Variants in UBAP2 observed in about 807,000 individuals in gnomAD.
UBAP2 encodes ubiquitin-associated protein 2.
Under a neutral mutation model 139.6 loss-of-function variants are expected in UBAP2, and 75 were observed. The ratio of observed to expected loss-of-function variants is 0.54; its 90% confidence interval spans 0.45 to 0.65. The LOEUF is 0.65. Among genes scored for constraint, UBAP2 ranks in the 30% least tolerant of loss-of-function variants. UBAP2 has a pLI of 0.00. For missense variants in UBAP2, 1,368 were observed against 1,369.6 expected (o/e 1.00, Z 0.02); for synonymous variants, 526 against 526.2 (o/e 1.00, Z 0.01).
chr9:33,929,961 GC>G (rs1218879822), intron 19 of UBAP2, among the ~76,000 whole-genome samples: 22 of 152,158 alleles, frequency 1.4e-4, no homozygotes, highest in Admixed American at 1.3e-4. Flanking sequence ...CTGAGATCAT[GC>G]CATTGCACTC....
chr9:33,963,906 A>G, intron 8 of UBAP2, 115 bp from the exon 9 acceptor site: 1 of 725,524 alleles, frequency 1.4e-6, no homozygotes, highest in East Asian at 2.6e-5. Context: ...GCCCAAGGAT[A>G]GTGAAATGTA....
chr9:33,937,367 G>T (rs1483920153), intron 16 of UBAP2, among the ~76,000 whole-genome samples: 3 of 152,038 alleles, frequency 2.0e-5, no homozygotes, highest in Admixed American at 2.0e-4. Context: ...AGCACTATGG[G>T]AGGCCAAGGA....
intron 3 of UBAP2, 147 bp downstream of exon 3, chr9:33,998,640 C>T: frequency 1.6e-6 from 1 of 615,432 alleles, no homozygotes; most frequent in Non-Finnish European, 2.7e-6. Context: ...TATTTTTAAT[C>T]ACAAGTCCAA....
intron 2 of UBAP2, among the ~76,000 whole-genome samples, chr9:34,012,336 G>C (rs1823824202): frequency 6.6e-6 from 1 of 152,122 alleles, no homozygotes; most frequent in African/African-American, 2.4e-5. Context: ...TTCGAGAGCA[G>C]CCTGGCCAAC....
chr9:34,004,122 G>A (rs1047885887), intron 2 of UBAP2, among the ~76,000 whole-genome samples: 4 of 152,070 alleles, frequency 2.6e-5, no homozygotes, highest in Admixed American at 2.6e-4. Context: ...CCACAAAAAT[G>A]CTCTGCACAA....
At chr9:33,954,629 C>A (rs1216048941) in intron 11 of UBAP2, among the ~76,000 whole-genome samples, 1 of 152,182 alleles carries the variant, frequency 6.6e-6, no homozygotes, top group Non-Finnish European at 1.5e-5. Flanking sequence ...TCATTCCTGA[C>A]ACATGGCAAA....
intron 20 of UBAP2, 34 bp from the exon 21 acceptor site, chr9:33,927,114 G>A: frequency 6.5e-7 from 1 of 1,535,856 alleles, no homozygotes. Flanking sequence ...GGAGTGAAAT[G>A]GTCACCACAA....
At chr9:33,980,575 C>T (rs899432981) in intron 6 of UBAP2, among the ~76,000 whole-genome samples, 2 of 152,034 alleles carry the variant, frequency 1.3e-5, no homozygotes, top group Non-Finnish European at 2.9e-5. Context: ...CACTCAACTA[C>T]AGCAAAGTAC....
At chr9:34,033,739 CT>C (rs761219914) in intron 1 of UBAP2, among the ~76,000 whole-genome samples, 623 of 139,604 alleles carry the variant, frequency 4.5e-3, no homozygotes, top group Admixed American at 4.4e-3. Flanking sequence ...CAAATCAATT[CT>C]TTTTTTTTTT....
rs559041061 is a variant in UBAP2 at position 34,041,053 on chromosome 9, C to G, written c.-42+7772G>C. Reference sequence around the variant, plus strand: ...AGGGTGGCAAATGTCCACATGAGGACAAGTAAAATTGGTAATCTCAAAAAA... The same window carrying G: ...AGGGTGGCAAATGTCCACATGAGGAGAAGTAAAATTGGTAATCTCAAAAAA... On this transcript the variant is annotated intron_variant, in intron 1 of 28. Transcript: ENST00000379238. Among the ~76,000 whole-genome samples, 85 of 152,078 alleles carry G rather than the reference C, an allele frequency of 5.6e-4. 1 individual carries two copies. Among genetic ancestry groups the G allele is most frequent in the African/African-American group, 2.0e-3 (82 of 41,484 alleles).
chr9:34,025,180 T>C (rs1825303268), intron 1 of UBAP2, among the ~76,000 whole-genome samples: 1 of 152,150 alleles, frequency 6.6e-6, no homozygotes, highest in African/African-American at 2.4e-5. Flanking sequence ...ATGTCCTCCT[T>C]TTCTGGGAAA....
chr9:33,988,180 T>C (rs1341054687), intron 5 of UBAP2, among the ~76,000 whole-genome samples: 1 of 152,108 alleles, frequency 6.6e-6, no homozygotes, highest in Non-Finnish European at 1.5e-5. Flanking sequence ...ATTTTCTTTA[T>C]TGTTACATCC....
intron 19 of UBAP2, among the ~76,000 whole-genome samples, chr9:33,930,664 G>A (rs374138410): frequency 6.6e-6 from 1 of 152,118 alleles, no homozygotes; most frequent in South Asian, 2.1e-4. Context: ...TTGGGAGGCC[G>A]AGGCGGGTGG....
intron 17 of UBAP2, chr9:33,935,175 G>GGGGGC (rs1824369656): frequency 5.8e-5 from 5 of 86,760 alleles, no homozygotes; most frequent in Admixed American, 1.2e-4. Context: ...GGGGGGGGGG[G>GGGGGC]TCTCATTTTC....
rs574167746 is a variant in UBAP2, at chr9:34,017,983, T to C, written c.-41-794A>G. ...CTTTGATTTGTTGAACAAACATTTATTGACTAGCTACTAAGTGTCAAGCAC... is the reference window on the plus strand; with the variant it reads ...CTTTGATTTGTTGAACAAACATTTACTGACTAGCTACTAAGTGTCAAGCAC... On this transcript the variant is annotated intron_variant, in intron 1 of 28. Coordinates refer to ENST00000379238, the MANE Select transcript of UBAP2 (RefSeq NM_001370062.2). 2.5e-4 allele frequency among the ~76,000 whole-genome samples: 38 copies of C among 152,292 alleles called. 1 individual carries two copies. The South Asian group carries it at 7.2e-3, about 29-fold the overall frequency.
At position 33,923,823 on chromosome 9, in the gene UBAP2, C is replaced by G; in HGVS notation, c.2768G>C (p.Ser923Thr). The G allele has an allele frequency of 6.2e-7, 1 of 1,614,220 alleles. No homozygotes were observed. Among genetic ancestry groups the G allele is most frequent in the Non-Finnish European group, 8.5e-7 (1 of 1,180,034 alleles). ...CATGGTGGGGCCATACTGGAAGGCACTGGGCATGCCTGTGTAGTAGGGAAG... is the reference window on the plus strand; with the variant it reads ...CATGGTGGGGCCATACTGGAAGGCAGTGGGCATGCCTGTGTAGTAGGGAAG... ...TGLPYYTGMP[S>T]AFQYGPTMFV... Residue 923 changes from serine (S) to threonine (T), a missense_variant, in exon 24 of 29, where the codon AGT becomes ACT. Physicochemically the swap from Ser to Thr is moderately conservative, Grantham distance 58. Transcript: ENST00000379238.
chr9:33,924,251 C>T lies in UBAP2; in HGVS notation c.2545G>A (p.Ala849Thr), dbSNP rs1384777340. ...AGGCTCCCATCTCGGCTGGCAAGCG[C>T]TGTGGGTGCAGCAAAGGGAATTCCA... ...YYGIPFAAPT[A>T]LASRDGSLAN... Residue 849 changes from alanine to threonine, a missense_variant, in exon 23 of 29, where the codon GCG becomes ACG. Physicochemically the swap from Ala to Thr is moderately conservative, Grantham distance 58. Coordinates refer to ENST00000379238, the MANE Select transcript of UBAP2 (RefSeq NM_001370062.2). 6.2e-7 allele frequency: 1 copy of T among 1,614,056 alleles called. No individual in the cohort carries two copies. Among genetic ancestry groups the T allele is most frequent in the Non-Finnish European group, 8.5e-7 (1 of 1,180,030 alleles).
chr9:34,005,162 T>C (rs1463071812), intron 2 of UBAP2, among the ~76,000 whole-genome samples: 2 of 147,566 alleles, frequency 1.4e-5, no homozygotes, highest in South Asian at 2.2e-4. Flanking sequence ...ACTCAGGAGG[T>C]TGAGGCACAA....
In UBAP2 at chr9:33,927,780, G is replaced by A. The variant is rs999353701; in HGVS notation, c.2371+17C>T. On this transcript the variant is annotated intron_variant, in intron 20 of 28. Transcript: ENST00000379238. ...AGGGGCTCAGGGGTGGGCAGGAAAG[G>A]CCTCTGGAGCAAATACCTGAGGTCA... 6.3e-7 allele frequency: 1 copy of A among 1,595,280 alleles called. No individual in the cohort carries two copies. The highest frequency in any genetic ancestry group is 8.5e-7 in the Non-Finnish European group (1 of 1,172,600).
Sources: allele counts gnomAD v4.1 joint callset (sites outside exome capture counted in the v4.1 genomes callset), GRCh38; gene constraint gnomAD v4.1.1; transcripts MANE v1.5; gene names NCBI Gene and HGNC (gene_info 2026-07-23, HGNC 2026-07-21).